The following GPC6 variants were observed in gnomAD, a reference collection of about 807,000 sequenced individuals.
GPC6 encodes the protein glypican-6.
In GPC6, 14 loss-of-function variants were observed where a neutral mutation model predicts 55.2. The ratio of observed to expected loss-of-function variants is 0.25; its 90% CI spans 0.17 to 0.40. GPC6 has a LOEUF of 0.40. Among genes scored for constraint, GPC6 ranks in the 10% least tolerant of loss-of-function variants. GPC6 has a pLI of 1.00. For synonymous variants in GPC6, 278 were observed against 259.6 expected (o/e 1.07, Z -0.68); for missense variants, 641 against 708.5 (o/e 0.90, Z 1.08).
At chr13:93,751,862 C>G (rs9524190) in intron 2 of GPC6, among the ~76,000 whole-genome samples, 41,557 of 151,856 alleles carry the variant, frequency 0.27, 6,371 homozygotes, top group East Asian at 0.48. Context: ...ATTGGCCTAC[C>G]ACTTTTCTTT....
intron 1 of GPC6, among the ~76,000 whole-genome samples, chr13:93,511,126 T>G (rs1880953789): frequency 6.7e-6 from 1 of 149,254 alleles, no homozygotes; most frequent in African/African-American, 2.5e-5. Flanking sequence ...GCAAATATTT[T>G]CCCCCATTCA....
At chr13:93,361,899 C>T (rs1266779605) in intron 1 of GPC6, among the ~76,000 whole-genome samples, 1 of 152,158 alleles carries the variant, frequency 6.6e-6, no homozygotes, top group Non-Finnish European at 1.5e-5. Flanking sequence ...CAAGAGAAGA[C>T]AGATTGTTCA....
chr13:93,915,954 A>G (rs551901242), intron 3 of GPC6, among the ~76,000 whole-genome samples: 8 of 152,324 alleles, frequency 5.3e-5, no homozygotes, highest in African/African-American at 1.7e-4. Context: ...TAGGTGAGCC[A>G]TGACATGGGT....
chr13:93,624,458 G>T (rs1309448140), intron 2 of GPC6, among the ~76,000 whole-genome samples: 1 of 152,100 alleles, frequency 6.6e-6, no homozygotes, highest in East Asian at 1.9e-4. Flanking sequence ...TCTTAAACTT[G>T]GTTTCACACT....
chr13:94,169,552 A>C (rs764658480), intron 4 of GPC6, among the ~76,000 whole-genome samples: 3 of 152,224 alleles, frequency 2.0e-5, no homozygotes, highest in Non-Finnish European at 4.4e-5. Context: ...ATACTTAATA[A>C]GGCCAGAAAA....
chr13:93,530,791 T>G (rs183250348), intron 1 of GPC6, among the ~76,000 whole-genome samples: 3 of 152,302 alleles, frequency 2.0e-5, no homozygotes, highest in African/African-American at 7.2e-5. Context: ...CATACCTGCC[T>G]GGAGGAAATA....
chr13:93,528,033 A>C (rs1881721830), intron 1 of GPC6, among the ~76,000 whole-genome samples: 1 of 152,142 alleles, frequency 6.6e-6, no homozygotes, highest in South Asian at 2.1e-4. Context: ...GAAGAAAAAT[A>C]ATTTTTCATG....
chr13:94,142,727 TATAAA>T (rs2138882692), intron 4 of GPC6, among the ~76,000 whole-genome samples: 1 of 152,126 alleles, frequency 6.6e-6, no homozygotes, highest in South Asian at 2.1e-4. Flanking sequence ...CATAGATAGA[TATAAA>T]ATATAGTATT....
intron 2 of GPC6, among the ~76,000 whole-genome samples, chr13:93,639,789 A>G (rs1291839305): frequency 6.6e-6 from 1 of 152,164 alleles, no homozygotes; most frequent in African/African-American, 2.4e-5. Flanking sequence ...AGCCGAGAAC[A>G]TTGGTAAACA....
intron 1 of GPC6, among the ~76,000 whole-genome samples, chr13:93,372,219 TA>T (rs869098893): frequency 7.9e-6 from 1 of 125,958 alleles, no homozygotes; most frequent in South Asian, 2.5e-4. Context: ...ATATAATATC[TA>T]AAAAAGATTT....
At chr13:93,364,626 AT>A (rs1881174048) in intron 1 of GPC6, among the ~76,000 whole-genome samples, 1 of 151,446 alleles carries the variant, frequency 6.6e-6, no homozygotes, top group South Asian at 2.1e-4. Flanking sequence ...CTCTAAAACA[AT>A]TTCATATATC....
chr13:93,859,035 C>T (rs570754389), intron 3 of GPC6, among the ~76,000 whole-genome samples: 1 of 151,584 alleles, frequency 6.6e-6, no homozygotes, highest in East Asian at 2.0e-4. Context: ...ATGAACACTT[C>T]ATTAACTTAG....
chr13:94,056,703 A>G (rs560663393), intron 4 of GPC6, among the ~76,000 whole-genome samples: 1 of 152,308 alleles, frequency 6.6e-6, no homozygotes, highest in Admixed American at 6.5e-5. Context: ...TGAAAAATTC[A>G]GTAGAGATAC....
At chr13:93,228,366 G>C (rs973480796) in intron 1 of GPC6, among the ~76,000 whole-genome samples, 1 of 152,182 alleles carries the variant, frequency 6.6e-6, no homozygotes, top group African/African-American at 2.4e-5. Context: ...AGCCGGCCTC[G>C]TCTGCCAGCG....
chr13:93,439,407 T>C (rs1877692230), intron 1 of GPC6, among the ~76,000 whole-genome samples: 1 of 152,228 alleles, frequency 6.6e-6, no homozygotes, highest in East Asian at 1.9e-4. Context: ...TCTCATAAGA[T>C]TTGATGATTT....
chr13:93,832,964 T>G (rs144114477), intron 3 of GPC6, among the ~76,000 whole-genome samples: 2 of 152,226 alleles, frequency 1.3e-5, no homozygotes, highest in African/African-American at 4.8e-5. Context: ...AGATATTGGC[T>G]TGTTTGACCT....
intron 3 of GPC6, among the ~76,000 whole-genome samples, chr13:93,979,567 A>C (rs1880696235): frequency 6.6e-6 from 1 of 152,038 alleles, no homozygotes; most frequent in African/African-American, 2.4e-5. Flanking sequence ...CAAATTAAGT[A>C]CAGAAATTGA....
chr13:93,402,364 C>A (rs958406995), intron 1 of GPC6, among the ~76,000 whole-genome samples: 1 of 152,118 alleles, frequency 6.6e-6, no homozygotes, highest in African/African-American at 2.4e-5. Context: ...GTTTGTAGCA[C>A]GCCATCCCAG....
At chr13:94,248,934 A>G (rs775935656) in intron 4 of GPC6, among the ~76,000 whole-genome samples, 4 of 152,152 alleles carry the variant, frequency 2.6e-5, no homozygotes, top group Non-Finnish European at 5.9e-5. Flanking sequence ...AATGCATTGC[A>G]AATATGTTAG....
Sources: allele counts gnomAD v4.1 joint callset (sites outside exome capture counted in the v4.1 genomes callset), GRCh38; gene constraint gnomAD v4.1.1; transcripts MANE v1.5; gene names NCBI Gene and HGNC (gene_info 2026-07-23, HGNC 2026-07-21).